The following CMSS1 variants were observed in gnomAD, a reference collection of about 807,000 sequenced individuals.
CMSS1 encodes the protein cms1 ribosomal small subunit homolog.
A neutral mutation model predicts 43.5 loss-of-function variants in CMSS1; 33 were observed. The observed-to-expected ratio is 0.76, with a 90% confidence interval of 0.57 to 1.01. The LOEUF (loss-of-function observed/expected upper bound fraction) is 1.01, where lower values mean the gene tolerates loss of function less well. CMSS1 is among the 50% of genes least tolerant of loss of function. CMSS1 has a pLI of 0.00. For missense variants in CMSS1, 313 were observed against 326.4 expected (o/e 0.96, Z 0.32); for synonymous variants, 115 against 117.2 (o/e 0.98, Z 0.12).
intron 1 of CMSS1, among the ~76,000 whole-genome samples, chr3:99,835,016 CT>C (rs1245253997): frequency 6.6e-6 from 1 of 152,198 alleles, no homozygotes; most frequent in Non-Finnish European, 1.5e-5. Flanking sequence ...TCAGCATCAT[CT>C]TTGTCTTTTT....
At chr3:99,996,384 C>G (rs1709681229) in intron 1 of CMSS1, among the ~76,000 whole-genome samples, 2 of 152,210 alleles carry the variant, frequency 1.3e-5, no homozygotes, top group South Asian at 4.1e-4. Flanking sequence ...TTGGTCAAAG[C>G]CATTCAGCAA....
intron 1 of CMSS1, among the ~76,000 whole-genome samples, chr3:99,893,109 C>T (rs541993622): frequency 1.3e-5 from 2 of 151,212 alleles, no homozygotes; most frequent in African/African-American, 4.9e-5. Context: ...TTTTAGAAGA[C>T]ACCTTTCTGC....
chr3:100,137,675 G>T (rs2066767650), intron 1 of CMSS1, among the ~76,000 whole-genome samples: 1 of 151,228 alleles, frequency 6.6e-6, no homozygotes, highest in African/African-American at 2.4e-5. Flanking sequence ...CCATTCTCCT[G>T]CCTCAGTCTC....
intron 2 of CMSS1, among the ~76,000 whole-genome samples, chr3:100,152,907 G>A (rs1394540529): frequency 2.0e-5 from 3 of 152,064 alleles, no homozygotes; most frequent in South Asian, 2.1e-4. Flanking sequence ...TTGTTCAAGC[G>A]CATTCTTCAT....
chr3:100,141,129 C>T (rs1055679516), intron 1 of CMSS1, among the ~76,000 whole-genome samples: 5 of 152,160 alleles, frequency 3.3e-5, no homozygotes, highest in African/African-American at 7.2e-5. Flanking sequence ...CCACTTCCCA[C>T]ATGGTTCTAG....
In CMSS1 at chr3:99,997,194, G is replaced by T. The variant is rs547971004; in HGVS notation, c.65-149779G>T. ...AAATGAAAAGTTGGTTCTTTGAAAG[G>T]ATAAACAAAATGGATAAACTGCTTG... is the stretch of plus-strand genomic sequence containing the variant. On this transcript the variant is annotated intron_variant, in intron 1 of 9. Transcript: ENST00000421999. Among the ~76,000 whole-genome samples the T allele has an allele frequency of 2.0e-5, 3 of 152,210 alleles. No homozygotes were observed. The South Asian group carries it at 6.2e-4, about 32-fold the overall frequency.
chr3:99,985,483 G>A (rs1166645418), intron 1 of CMSS1, among the ~76,000 whole-genome samples: 4 of 152,138 alleles, frequency 2.6e-5, no homozygotes, highest in Non-Finnish European at 4.4e-5. Flanking sequence ...CTGGGTGACA[G>A]CAAGACCCTG....
At chr3:99,850,931 G>C (rs1474400125) in intron 1 of CMSS1, 1 of 1,614,150 alleles carries the variant, frequency 6.2e-7, no homozygotes, top group South Asian at 1.1e-5. Flanking sequence ...TGTGCCGTCA[G>C]CCTTTGCTGT....
At chr3:100,008,948 A>C (rs1025627606) in intron 1 of CMSS1, among the ~76,000 whole-genome samples, 2 of 152,232 alleles carry the variant, frequency 1.3e-5, no homozygotes, top group Non-Finnish European at 2.9e-5. Flanking sequence ...TATAGGAAAG[A>C]AACTTTTTTC....
intron 1 of CMSS1, among the ~76,000 whole-genome samples, chr3:99,879,517 T>C (rs1286407507): frequency 1.3e-5 from 2 of 152,240 alleles, no homozygotes; most frequent in Non-Finnish European, 2.9e-5. Context: ...TTTTCTTTCA[T>C]GTCTTCTCTC....
intron 1 of CMSS1, among the ~76,000 whole-genome samples, chr3:99,896,936 T>C (rs183733724): frequency 3.3e-4 from 50 of 152,328 alleles, no homozygotes; most frequent in African/African-American, 1.2e-3. Context: ...GGCTAATAAA[T>C]AGAAAATGTA....
Position 100,146,836 on chromosome 3 carries a change from A to G in CMSS1, c.65-137A>G, listed in dbSNP as rs974629299. The G allele has an allele frequency of 4.6e-6, 5 of 1,098,370 alleles. No homozygotes were observed. In the African/African-American group the frequency reaches 7.9e-5, roughly 17 times the overall value. 68.0% of individuals were successfully genotyped at this position (1,098,370 alleles called of 1,614,324 possible). ...TGCTTAAATATCTGTTTTACTTTGGACCATTTCCTTAAGTGCAGCTTCTTT... is the reference window on the plus strand; with the variant it reads ...TGCTTAAATATCTGTTTTACTTTGGGCCATTTCCTTAAGTGCAGCTTCTTT... On this transcript the variant is annotated intron_variant, in intron 1 of 9. Coordinates refer to ENST00000421999, the MANE Select transcript of CMSS1 (RefSeq NM_032359.4).
At chr3:100,146,864 G>C (rs1316070588) in intron 1 of CMSS1, 109 bp from the exon 2 acceptor site, 1 of 1,343,862 alleles carries the variant, frequency 7.4e-7, no homozygotes, top group African/African-American at 1.5e-5. Context: ...GCTTCTTTGA[G>C]GTAGAATTAA....
At chr3:100,173,043 C>A (rs2067122903) in intron 8 of CMSS1, among the ~76,000 whole-genome samples, 2 of 151,258 alleles carry the variant, frequency 1.3e-5, no homozygotes, top group Admixed American at 1.3e-4. Context: ...TATAATAGAG[C>A]TTTTTTTTTA....
chr3:99,994,028 G>C (rs1207891163), intron 1 of CMSS1, among the ~76,000 whole-genome samples: 1 of 152,142 alleles, frequency 6.6e-6, no homozygotes, highest in Non-Finnish European at 1.5e-5. Context: ...TTTTTGGACA[G>C]TTTCAGGAGT....
intron 1 of CMSS1, among the ~76,000 whole-genome samples, chr3:99,868,304 T>TAG (rs1944620593): frequency 6.6e-6 from 1 of 152,196 alleles, no homozygotes; most frequent in Admixed American, 6.5e-5. Context: ...TTAGGCACGC[T>TAG]AGAGACAGAT....
intron 1 of CMSS1, among the ~76,000 whole-genome samples, chr3:100,084,021 T>C (rs1210544645): frequency 1.3e-5 from 2 of 152,212 alleles, no homozygotes; most frequent in Non-Finnish European, 2.9e-5. Context: ...TTGTGTTATT[T>C]CTTCCTTTCA....
chr3:99,950,174 T>G (rs1222525158), intron 1 of CMSS1, among the ~76,000 whole-genome samples: 1 of 152,176 alleles, frequency 6.6e-6, no homozygotes, highest in African/African-American at 2.4e-5. Context: ...GATAGGACTT[T>G]TTTCTTATTT....
chr3:99,825,631 A>G (rs573908066), intron 1 of CMSS1, among the ~76,000 whole-genome samples: 90 of 152,336 alleles, frequency 5.9e-4, no homozygotes, highest in Non-Finnish European at 1.2e-3. Context: ...AGTTCCTGCT[A>G]TAATTTTGCT....
Sources: allele counts gnomAD v4.1 joint callset (sites outside exome capture counted in the v4.1 genomes callset), GRCh38; gene constraint gnomAD v4.1.1; transcripts MANE v1.5; gene names NCBI Gene and HGNC (gene_info 2026-07-23, HGNC 2026-07-21).